AGBL1: variants seen among roughly 807,000 people sequenced by gnomAD.
AGBL1 encodes cytosolic carboxypeptidase 4.
In AGBL1, 130 loss-of-function variants were observed where a neutral mutation model predicts 118.9. The ratio of observed to expected loss-of-function variants is 1.09; its 90% CI spans 0.95 to 1.26. The LOEUF (loss-of-function observed/expected upper bound fraction) is 1.26. Among genes scored for constraint, AGBL1 ranks in the 50% most tolerant of loss-of-function variants. The pLI, the probability that AGBL1 is intolerant of heterozygous loss-of-function variation, is 0.00. For synonymous variants in AGBL1, 555 were observed against 478.9 expected (o/e 1.16, Z -2.08); for missense variants, 1,584 against 1,298.1 (o/e 1.22, Z -3.38).
chr15:87,010,896 G>T (rs981218333), intron 24 of AGBL1, among the ~76,000 whole-genome samples: 5 of 152,030 alleles, frequency 3.3e-5, no homozygotes, highest in African/African-American at 1.2e-4. Context: ...CCATCATATT[G>T]ATTCCATCTC....
In AGBL1 at chr15:86,990,969, C is replaced by G. The variant is rs540329690; in HGVS notation, c.3323+2881C>G. Among the ~76,000 whole-genome samples the G allele has an allele frequency of 5.3e-5, 8 of 152,220 alleles. No individual in the cohort carries two copies. In the South Asian group the frequency reaches 1.7e-3, roughly 32 times the overall value. ...GAAATCTCCACTCTGGCTGTGGATACAAGAGGATTCTGTTATTGAGAATAG... is the reference window on the plus strand; with the variant it reads ...GAAATCTCCACTCTGGCTGTGGATAGAAGAGGATTCTGTTATTGAGAATAG... On this transcript the variant is annotated intron_variant, in intron 24 of 24. Coordinates refer to the AGBL1 transcript ENST00000441037.
At chr15:86,847,926 T>G (rs2079341700) in intron 22 of AGBL1, among the ~76,000 whole-genome samples, 1 of 152,200 alleles carries the variant, frequency 6.6e-6, no homozygotes, top group East Asian at 1.9e-4. Context: ...CTTTATTGCT[T>G]GATCACACTA....
intron 22 of AGBL1, among the ~76,000 whole-genome samples, chr15:86,823,172 G>T (rs764722487): frequency 5.3e-5 from 8 of 152,062 alleles, no homozygotes; most frequent in Non-Finnish European, 8.8e-5. Flanking sequence ...GTAACTATAA[G>T]GCATACAGTA....
At chr15:86,500,143 G>C (rs1405196953) in intron 18 of AGBL1, among the ~76,000 whole-genome samples, 1 of 151,902 alleles carries the variant, frequency 6.6e-6, no homozygotes. Flanking sequence ...AGAATAGACA[G>C]ATACCTGTTC....
chr15:86,736,035 G>T (rs114152320), intron 22 of AGBL1, among the ~76,000 whole-genome samples: 38 of 152,216 alleles, frequency 2.5e-4, no homozygotes, highest in African/African-American at 8.9e-4. Context: ...CTGCAGCAAG[G>T]TCTATGACCT....
intron 21 of AGBL1, among the ~76,000 whole-genome samples, chr15:86,614,059 GAATGTGC>G (rs142493480): frequency 6.6e-6 from 1 of 152,284 alleles, no homozygotes; most frequent in Non-Finnish European, 1.5e-5. Flanking sequence ...AAGAACAGAA[GAATGTGC>G]AACCCAGAAC....
At chr15:86,873,882 G>A (rs952360167) in intron 22 of AGBL1, among the ~76,000 whole-genome samples, 4 of 152,124 alleles carry the variant, frequency 2.6e-5, no homozygotes, top group African/African-American at 9.7e-5. Flanking sequence ...TGGAACTCAA[G>A]ATACAATAGT....
intron 22 of AGBL1, among the ~76,000 whole-genome samples, chr15:86,763,104 T>C (rs2078049002): frequency 6.6e-6 from 1 of 152,010 alleles, no homozygotes; most frequent in African/African-American, 2.4e-5. Context: ...TTACTGTAAG[T>C]GCATTTTTGT....
intron 17 of AGBL1, among the ~76,000 whole-genome samples, chr15:86,314,245 A>G (rs1003665112): frequency 1.3e-5 from 2 of 152,226 alleles, no homozygotes; most frequent in Non-Finnish European, 2.9e-5. Flanking sequence ...GCCTTTGGCC[A>G]AACAAGAGGA....
At chr15:86,784,996 A>G (rs2078386513) in intron 22 of AGBL1, among the ~76,000 whole-genome samples, 1 of 152,222 alleles carries the variant, frequency 6.6e-6, no homozygotes, top group African/African-American at 2.4e-5. Context: ...ATTACAAATA[A>G]TAGTAATAAT....
intron 24 of AGBL1, among the ~76,000 whole-genome samples, chr15:86,988,705 C>G (rs1005941092): frequency 6.6e-6 from 1 of 152,080 alleles, no homozygotes; most frequent in Admixed American, 6.6e-5. Flanking sequence ...TACTTTGTAA[C>G]TGTATATTGC....
At chr15:86,899,673 A>G (rs891689405) in intron 22 of AGBL1, among the ~76,000 whole-genome samples, 7 of 152,158 alleles carry the variant, frequency 4.6e-5, no homozygotes, top group African/African-American at 9.7e-5. Context: ...CATGAAGACA[A>G]TTCATCTGAA....
At chr15:86,427,989 G>A (rs866829601) in intron 18 of AGBL1, among the ~76,000 whole-genome samples, 5 of 152,142 alleles carry the variant, frequency 3.3e-5, no homozygotes, top group Admixed American at 6.5e-5. Context: ...TCTTAAATAC[G>A]TATTCAGGTA....
intron 18 of AGBL1, among the ~76,000 whole-genome samples, chr15:86,464,290 G>A (rs1785633275): frequency 6.6e-6 from 1 of 152,178 alleles, no homozygotes; most frequent in African/African-American, 2.4e-5. Flanking sequence ...CATTAATTTT[G>A]TATCCTGAGA....
intron 15 of AGBL1, among the ~76,000 whole-genome samples, chr15:86,278,475 T>TAA (rs5814233): frequency 1.9e-4 from 27 of 143,192 alleles, no homozygotes; most frequent in Admixed American, 1.0e-3. Flanking sequence ...CCATGAGAAA[T>TAA]AAAAAAACAG....
chr15:86,843,770 G>A (rs751319725), intron 22 of AGBL1, among the ~76,000 whole-genome samples: 1 of 152,060 alleles, frequency 6.6e-6, no homozygotes, highest in African/African-American at 2.4e-5. Context: ...TCCATCCAAG[G>A]TAAGCGTAAG....
At chr15:86,564,816 G>T (rs2083887138) in intron 21 of AGBL1, among the ~76,000 whole-genome samples, 1 of 152,170 alleles carries the variant, frequency 6.6e-6, no homozygotes, top group African/African-American at 2.4e-5. Context: ...ATTTCTTGGA[G>T]GCTTTGTTTG....
At chr15:86,621,841 A>C (rs2084810360) in intron 21 of AGBL1, among the ~76,000 whole-genome samples, 1 of 152,244 alleles carries the variant, frequency 6.6e-6, no homozygotes, top group Non-Finnish European at 1.5e-5. Flanking sequence ...GCATATAGTA[A>C]GTGATCAATG....
In AGBL1 at chr15:86,528,473, G is replaced by A. The variant is rs1229439188; in HGVS notation, c.2685+5534G>A. Among the ~76,000 whole-genome samples, 214 of 151,694 alleles carry A rather than the reference G, an allele frequency of 1.4e-3. 1 individual carries two copies. Among genetic ancestry groups the A allele is most frequent in the African/African-American group, 4.9e-3 (203 of 41,302 alleles). ...GAGGGTCCTACACCCACGGAATCTC[G>A]CTGATTGCTAGCACAGCAGTCTGAG... On this transcript the variant is annotated intron_variant, in intron 19 of 22. Transcript: ENST00000614907.
Sources: gnomAD v4.1 joint callset for allele counts (sites outside exome capture counted in the v4.1 genomes callset) on GRCh38, gnomAD v4.1.1 for gene constraint, MANE v1.5 for transcripts, NCBI Gene and HGNC (gene_info 2026-07-23, HGNC 2026-07-21) for gene names.